NASP: variants seen among roughly 807,000 people sequenced by gnomAD.
NASP encodes the protein NASP histone chaperone.
A neutral mutation model predicts 89.5 loss-of-function variants in NASP; 24 were observed. The ratio of observed to expected loss-of-function variants is 0.27; its 90% CI spans 0.19 to 0.38. The LOEUF is 0.38. Ranked by LOEUF, NASP falls within the 10% of genes least tolerant of loss-of-function variation. The pLI is 1.00. For missense variants in NASP, 848 were observed against 921.4 expected, an observed-to-expected ratio of 0.92 and a Z score of 1.03; for synonymous variants, 306 against 324.7, an observed-to-expected ratio of 0.94 and a Z score of 0.62.
intron 1 of NASP, chr1:45,588,544 A>G (rs1282273275): frequency 2.5e-6 from 1 of 406,580 alleles, no homozygotes; most frequent in South Asian, 1.7e-5. Flanking sequence ...CCTAGCCTTG[A>G]ATTTCTGTTA....
Position 45,616,413 on chromosome 1 carries a change from T to G in NASP, c.2079+20T>G. On this transcript the variant is annotated intron_variant, in intron 12 of 14. Coordinates refer to ENST00000350030, the MANE Select transcript of NASP (RefSeq NM_002482.4). ...TCCATGGTGCGTATTCAGGTGGTTT[T>G]TTGGTCACTTACATTAAGTCTCAGT... 6.2e-7 allele frequency: 1 copy of G among 1,612,580 alleles called. No individual in the cohort carries two copies. The highest frequency in any genetic ancestry group is 8.5e-7 in the Non-Finnish European group (1 of 1,178,614).
intron 2 of NASP, among the ~76,000 whole-genome samples, chr1:45,601,444 T>G (rs1643840453): frequency 6.6e-6 from 1 of 152,200 alleles, no homozygotes; most frequent in Non-Finnish European, 1.5e-5. Context: ...CTCATTGCAT[T>G]GCCTTGGTAC....
At position 45,588,735 on chromosome 1, in the gene NASP, G is replaced by A. The variant is rs545531101; in HGVS notation, c.60-2488G>A. On this transcript the variant is annotated intron_variant, in intron 1 of 14. Coordinates refer to ENST00000350030, the MANE Select transcript of NASP (RefSeq NM_002482.4). ...GGGCAGATCACGAGGTCAGGAGATCGAGACCATCCTGGCTAACACGGTGAA... is the reference window on the plus strand; with the variant it reads ...GGGCAGATCACGAGGTCAGGAGATCAAGACCATCCTGGCTAACACGGTGAA... 181 of 353,556 alleles carry A rather than the reference G, an allele frequency of 5.1e-4. 2 individuals are homozygous for A. Among genetic ancestry groups the A allele is most frequent in the South Asian group, 3.5e-3 (173 of 49,540 alleles). 21.9% of individuals were successfully genotyped at this position (353,556 alleles called of 1,614,324 possible).
intron 1 of NASP, chr1:45,588,980 T>C: frequency 5.8e-6 from 1 of 172,478 alleles, no homozygotes; most frequent in South Asian, 1.1e-4. Flanking sequence ...TGTTTGTTTG[T>C]TTGTGAGTGT....
At chr1:45,614,260 G>A in intron 8 of NASP, 33 bp from the exon 9 acceptor site, 1 of 1,605,544 alleles carries the variant, frequency 6.2e-7, no homozygotes. Flanking sequence ...GACAGGTACT[G>A]TTAAGGTTTT....
At chr1:45,587,696 T>C (rs1407675651) in intron 1 of NASP, among the ~76,000 whole-genome samples, 1 of 14,906 alleles carries the variant, frequency 6.7e-5, no homozygotes, top group Non-Finnish European at 1.6e-4. Flanking sequence ...ATAATTAATT[T>C]TTTGGAGAGA....
At chr1:45,611,446 A>G (rs1037867261) in intron 6 of NASP, 1 of 144,672 alleles carries the variant, frequency 6.9e-6, no homozygotes. Flanking sequence ...GGAGAAAGCC[A>G]TCGCCATTAC....
At chr1:45,584,663 T>C (rs952220892) in intron 1 of NASP, among the ~76,000 whole-genome samples, 1 of 69,948 alleles carries the variant, frequency 1.4e-5, no homozygotes, top group Non-Finnish European at 2.7e-5. Context: ...GGAAGGAGGC[T>C]GGACCTGAGG....
intron 3 of NASP, among the ~76,000 whole-genome samples, chr1:45,603,809 A>C (rs1643880076): frequency 6.6e-6 from 1 of 152,002 alleles, no homozygotes; most frequent in African/African-American, 2.4e-5. Context: ...GGGTTTCTCC[A>C]TGTTGGTCAG....
intron 11 of NASP, 56 bp downstream of exon 11, chr1:45,615,527 T>G (rs1044000130): frequency 3.9e-6 from 6 of 1,521,310 alleles, no homozygotes; most frequent in Non-Finnish European, 5.3e-6. Context: ...ATGTTAATGT[T>G]CTATTTGCCA....
At chr1:45,587,815 T>C (rs1644578972) in intron 1 of NASP, among the ~76,000 whole-genome samples, 1 of 151,104 alleles carries the variant, frequency 6.6e-6, no homozygotes, top group Non-Finnish European at 1.5e-5. Context: ...CCCAAGTAGC[T>C]GAGACTACAG....
At chr1:45,584,788 T>C (rs1279376818) in intron 1 of NASP, among the ~76,000 whole-genome samples, 1 of 152,108 alleles carries the variant, frequency 6.6e-6, no homozygotes, top group African/African-American at 2.4e-5. Context: ...ACTCCATTGT[T>C]TGGGGCCGCT....
Position 45,615,481 on chromosome 1 carries a change from G to A in NASP, c.2022+10G>A, listed in dbSNP as rs761243073. ...TCTGAAAGCTACTCTGGTTGGTTCC[G>A]TTAACATTTTGATAATAGCATGTTT... On this transcript the variant is annotated intron_variant, in intron 11 of 14. Transcript: ENST00000350030. 7 of 1,599,906 alleles carry A rather than the reference G, an allele frequency of 4.4e-6. No homozygotes were observed. Among genetic ancestry groups the A allele is most frequent in the Middle Eastern group, 1.7e-4 (1 of 5,988 alleles).
chr1:45,597,000 G>A (rs1418619373), intron 2 of NASP, among the ~76,000 whole-genome samples: 2 of 151,302 alleles, frequency 1.3e-5, no homozygotes, highest in African/African-American at 4.9e-5. Context: ...AGAAAAAAAA[G>A]AAAAGAAAAA....
chr1:45,596,689 C>A (rs949114425), intron 2 of NASP, among the ~76,000 whole-genome samples: 2 of 152,220 alleles, frequency 1.3e-5, no homozygotes, highest in Non-Finnish European at 2.9e-5. Flanking sequence ...TACAACTAAC[C>A]TTTAAGAAAT....
At chr1:45,589,265 C>T (rs1349361327) in intron 1 of NASP, among the ~76,000 whole-genome samples, 1 of 152,078 alleles carries the variant, frequency 6.6e-6, no homozygotes, top group African/African-American at 2.4e-5. Flanking sequence ...GTAGCTGGGA[C>T]TACAGGCATG....
chr1:45,584,371 T>C (rs907564969), intron 1 of NASP, among the ~76,000 whole-genome samples, 166 bp downstream of exon 1: 2 of 152,202 alleles, frequency 1.3e-5, no homozygotes, highest in Admixed American at 6.5e-5. Context: ...CTTCTTTTGC[T>C]GAGAGCCTCG....
chr1:45,587,662 A>AT (rs1491133250), intron 1 of NASP, among the ~76,000 whole-genome samples: 8 of 39,032 alleles, frequency 2.0e-4, no homozygotes, highest in Non-Finnish European at 3.8e-4. Flanking sequence ...GAGTTTTTTC[A>AT]TATATATATA....
chr1:45,587,213 G>C (rs754212070), intron 1 of NASP, among the ~76,000 whole-genome samples: 11 of 150,802 alleles, frequency 7.3e-5, no homozygotes, highest in Non-Finnish European at 1.5e-4. Flanking sequence ...TTTTTTGAGA[G>C]GGAGTTTTGT....
Sources: gnomAD v4.1 joint callset for allele counts (sites outside exome capture counted in the v4.1 genomes callset) on GRCh38, gnomAD v4.1.1 for gene constraint, MANE v1.5 for transcripts, NCBI Gene and HGNC (gene_info 2026-07-23, HGNC 2026-07-21) for gene names.